PRELID2: variants seen among roughly 807,000 people sequenced by gnomAD.
The protein encoded by PRELID2 is PRELI domain containing 2, also known as PRELI domain-containing protein 2.
Under a neutral mutation model 28.4 loss-of-function variants are expected in PRELID2, and 25 were observed. The ratio of observed to expected loss-of-function variants is 0.88; its 90% CI spans 0.64 to 1.23. The LOEUF (loss-of-function observed/expected upper bound fraction) is 1.23, where lower values mean the gene tolerates loss of function less well. PRELID2 is among the 50% of genes most tolerant of loss of function. The pLI is 0.00. For synonymous variants in PRELID2, 76 were observed against 71.6 expected (o/e 1.06, Z -0.31); for missense variants, 201 against 214.4 (o/e 0.94, Z 0.39).
intron 1 of PRELID2, among the ~76,000 whole-genome samples, chr5:145,574,677 C>T (rs2149620328): frequency 6.6e-6 from 1 of 152,284 alleles, no homozygotes; most frequent in African/African-American, 2.4e-5. Flanking sequence ...ACATTCATCC[C>T]TTGGTATCTG....
At chr5:145,443,663 T>C in the PRELID2 span, among the ~76,000 whole-genome samples, 1 of 152,098 alleles carries the variant, frequency 6.6e-6, no homozygotes, top group African/African-American at 2.4e-5. Context: ...GTACAGCATT[T>C]TCAGGATTCC....
At chr5:145,384,745 T>C in the PRELID2 span, among the ~76,000 whole-genome samples, 2 of 152,064 alleles carry the variant, frequency 1.3e-5, no homozygotes, top group African/African-American at 2.4e-5. Flanking sequence ...TGAAGTAGGA[T>C]TTTGCATGTC....
chr5:145,501,522 T>C (rs898542267), intron 1 of PRELID2, among the ~76,000 whole-genome samples: 1 of 152,108 alleles, frequency 6.6e-6, no homozygotes, highest in Non-Finnish European at 1.5e-5. Flanking sequence ...ACTGTTCTTG[T>C]GGTGTGAATA....
intron 1 of PRELID2, among the ~76,000 whole-genome samples, chr5:145,643,998 G>A (rs942956697): frequency 2.0e-5 from 3 of 152,146 alleles, no homozygotes; most frequent in African/African-American, 4.8e-5. Flanking sequence ...TCTCTGCCAG[G>A]TTTTGGTATC....
chr5:145,427,041 G>A, the PRELID2 span, among the ~76,000 whole-genome samples: 9 of 152,120 alleles, frequency 5.9e-5, no homozygotes, highest in Admixed American at 1.3e-4. Flanking sequence ...GGTACAGAAC[G>A]GATCTGACCT....
chr5:145,761,983 G>A (rs1417714400), intron 6 of PRELID2, among the ~76,000 whole-genome samples: 1 of 151,964 alleles, frequency 6.6e-6, no homozygotes, highest in Non-Finnish European at 1.5e-5. Flanking sequence ...CAAGAAAATG[G>A]GAGAAAAGGA....
chr5:145,677,736 A>C (rs537992055), intron 1 of PRELID2, among the ~76,000 whole-genome samples: 4 of 152,308 alleles, frequency 2.6e-5, no homozygotes, highest in Admixed American at 6.5e-5. Flanking sequence ...AAAAAACTGA[A>C]GCACCACCAT....
At chr5:145,638,862 G>C (rs776496473) in intron 1 of PRELID2, among the ~76,000 whole-genome samples, 9 of 152,188 alleles carry the variant, frequency 5.9e-5, no homozygotes, top group Non-Finnish European at 1.2e-4. Context: ...ATCTTGTTCT[G>C]TAATGAAAAT....
the PRELID2 span, among the ~76,000 whole-genome samples, chr5:145,462,612 T>G: frequency 7.9e-5 from 12 of 152,350 alleles, no homozygotes; most frequent in East Asian, 1.9e-4. Context: ...CCAAGAAAAC[T>G]GATCTATTTA....
chr5:145,376,535 T>A, the PRELID2 span, among the ~76,000 whole-genome samples: 9 of 152,154 alleles, frequency 5.9e-5, no homozygotes, highest in African/African-American at 1.9e-4. Context: ...CCTGGGCTTT[T>A]TTTAGTTTGT....
At chr5:145,453,480 C>G in the PRELID2 span, among the ~76,000 whole-genome samples, 1 of 152,072 alleles carries the variant, frequency 6.6e-6, no homozygotes, top group African/African-American at 2.4e-5. Flanking sequence ...TATTTTTATT[C>G]TACTTTAAGT....
intron 1 of PRELID2, among the ~76,000 whole-genome samples, chr5:145,495,212 G>A (rs1460175136): frequency 1.3e-5 from 2 of 152,142 alleles, no homozygotes; most frequent in Non-Finnish European, 2.9e-5. Context: ...TATGGGCACA[G>A]TCTCTCAGCA....
chr5:145,445,935 A>T, the PRELID2 span, among the ~76,000 whole-genome samples: 242 of 152,234 alleles, frequency 1.6e-3, 1 homozygote, highest in African/African-American at 5.6e-3. Context: ...TAGTGATTTT[A>T]CAGTGGTAAA....
chr5:145,601,750 T>C (rs1362288366), intron 1 of PRELID2, among the ~76,000 whole-genome samples: 1 of 152,204 alleles, frequency 6.6e-6, no homozygotes, highest in Non-Finnish European at 1.5e-5. Flanking sequence ...TTTGACACAG[T>C]AACTTTGAGT....
At chr5:145,740,949 T>G (rs1561567071) in intron 1 of PRELID2, among the ~76,000 whole-genome samples, 1 of 40,328 alleles carries the variant, frequency 2.5e-5, no homozygotes, top group Non-Finnish European at 6.6e-5. Flanking sequence ...TACATATATT[T>G]ATCTATAAAT....
chr5:145,670,081 A>G (rs1226149297), intron 1 of PRELID2, among the ~76,000 whole-genome samples: 17 of 152,158 alleles, frequency 1.1e-4, no homozygotes, highest in Admixed American at 1.1e-3. Flanking sequence ...ATCACTATAA[A>G]GAAATATCTG....
the PRELID2 span, among the ~76,000 whole-genome samples, chr5:145,299,503 T>G: frequency 3.3e-5 from 5 of 152,084 alleles, no homozygotes; most frequent in Non-Finnish European, 5.9e-5. Flanking sequence ...CCTCATTCCA[T>G]GGTTATTGTA....
At chr5:145,598,645 T>C (rs1251189547) in intron 1 of PRELID2, among the ~76,000 whole-genome samples, 1 of 152,158 alleles carries the variant, frequency 6.6e-6, no homozygotes, top group Non-Finnish European at 1.5e-5. Context: ...TTTCATTTAT[T>C]CAACAGAAAT....
chr5:145,633,918 T>A (rs1753966575), intron 1 of PRELID2, among the ~76,000 whole-genome samples: 2 of 152,150 alleles, frequency 1.3e-5, no homozygotes. Flanking sequence ...TTCCCTGCAT[T>A]CCCATAGCAG....
Sources: allele counts gnomAD v4.1 joint callset (sites outside exome capture counted in the v4.1 genomes callset), GRCh38; gene constraint gnomAD v4.1.1; transcripts MANE v1.5; gene names NCBI Gene and HGNC (gene_info 2026-07-23, HGNC 2026-07-21).